Variants in NRXN1 observed in about 807,000 individuals in gnomAD.
NRXN1 encodes the protein neurexin-1.
NRXN1 carries 39 observed loss-of-function variants against 150.9 expected under a neutral mutation model. That is an observed-to-expected ratio of 0.26 (90% confidence interval 0.20 to 0.34). The LOEUF is 0.34. Ranked by LOEUF, NRXN1 falls within the 10% of genes least tolerant of loss-of-function variation. NRXN1 has a pLI of 1.00. For synonymous variants in NRXN1, 924 were observed against 757.0 expected, an observed-to-expected ratio of 1.22 and a Z score of -3.62; for missense variants, 1,815 against 1,949.9, an observed-to-expected ratio of 0.93 and a Z score of 1.30.
At chr2:50,164,273 ACT>A (rs1264419497) in intron 18 of NRXN1, among the ~76,000 whole-genome samples, 3 of 152,080 alleles carry the variant, frequency 2.0e-5, no homozygotes, top group Admixed American at 2.0e-4. Flanking sequence ...CGGCAAAGAC[ACT>A]CTCTGCTCCC....
Position 50,552,930 on chromosome 2 carries a change from T to C in NRXN1, c.1416A>G (p.Lys472=). ...KMKIHGVVAF[K]CENVATLDPI... is the part of the protein sequence containing the mutation. ...GGTCTAAAGTTGCAACATTCTCACA[T>C]TTAAATGCCACCACTCCATGGATCT... Residue 472 remains lysine, a synonymous_variant, in exon 9 of 23, where the codon AAA becomes AAG. Transcript: ENST00000401669. The C allele has an allele frequency of 6.2e-7, 1 of 1,613,926 alleles. No individual in the cohort carries two copies. Among genetic ancestry groups the C allele is most frequent in the South Asian group, 1.1e-5 (1 of 91,086 alleles).
At chr2:50,113,977 G>T (rs1353489060) in intron 18 of NRXN1, among the ~76,000 whole-genome samples, 1 of 152,066 alleles carries the variant, frequency 6.6e-6, no homozygotes, top group Non-Finnish European at 1.5e-5. Context: ...TTCCCTGTTT[G>T]GAAGGTAAGA....
chr2:50,974,784 TA>T (rs1695565909), intron 2 of NRXN1, among the ~76,000 whole-genome samples: 1 of 152,084 alleles, frequency 6.6e-6, no homozygotes, highest in African/African-American at 2.4e-5. Context: ...CTACAGTGCC[TA>T]ATAATTTGCA....
intron 8 of NRXN1, among the ~76,000 whole-genome samples, chr2:50,558,667 A>G (rs1425479181): frequency 1.3e-5 from 2 of 152,212 alleles, no homozygotes; most frequent in African/African-American, 4.8e-5. Flanking sequence ...TATCTTAAAA[A>G]TCTGTGCGGT....
chr2:50,244,480 T>C (rs1041885659), intron 17 of NRXN1, among the ~76,000 whole-genome samples: 21 of 151,928 alleles, frequency 1.4e-4, no homozygotes, highest in Non-Finnish European at 1.5e-5. Flanking sequence ...CTCTTTTTTT[T>C]CTGACATTAT....
At chr2:50,453,240 A>G (rs973281529) in intron 17 of NRXN1, among the ~76,000 whole-genome samples, 1 of 151,562 alleles carries the variant, frequency 6.6e-6, no homozygotes, top group African/African-American at 2.4e-5. Flanking sequence ...CTCCTAAAAC[A>G]TAGATTTCAG....
chr2:50,668,361 G>A (rs1688362192), intron 5 of NRXN1, among the ~76,000 whole-genome samples: 1 of 151,492 alleles, frequency 6.6e-6, no homozygotes, highest in South Asian at 2.1e-4. Context: ...AAAAATTTTT[G>A]TTTGCTTCTT....
In NRXN1 at chr2:50,984,929, T is replaced by C. The variant is rs1440250697; in HGVS notation, c.772+42573A>G. On this transcript the variant is annotated intron_variant, in intron 2 of 22. Coordinates refer to ENST00000401669, the MANE Select transcript of NRXN1 (RefSeq NM_001330078.2). ...TAGATCTAGAACTCTTTTAGTTACA[T>C]AACACTGTCAGTTAAATTTCACCAA... 2.6e-5 allele frequency among the ~76,000 whole-genome samples: 4 copies of C among 152,104 alleles called. No homozygotes were observed. In the East Asian group the frequency reaches 5.8e-4, roughly 22 times the overall value.
intron 18 of NRXN1, among the ~76,000 whole-genome samples, chr2:50,226,657 G>A (rs1281403865): frequency 6.6e-6 from 1 of 151,972 alleles, no homozygotes; most frequent in African/African-American, 2.4e-5. Flanking sequence ...AGCTAAGGAA[G>A]TTGGCCTTTG....
intron 5 of NRXN1, among the ~76,000 whole-genome samples, chr2:50,843,400 A>G (rs1673160819): frequency 6.6e-6 from 1 of 152,238 alleles, no homozygotes; most frequent in African/African-American, 2.4e-5. Context: ...GAAAAAAACA[A>G]CTGGATCAAA....
chr2:50,753,704 G>A (rs1431672504), intron 5 of NRXN1, among the ~76,000 whole-genome samples: 4 of 151,840 alleles, frequency 2.6e-5, no homozygotes, highest in African/African-American at 9.7e-5. Flanking sequence ...GGTTTAAGTA[G>A]GAAAAACTGC....
chr2:50,335,658 T>G (rs569349802), intron 17 of NRXN1, among the ~76,000 whole-genome samples: 2 of 152,280 alleles, frequency 1.3e-5, no homozygotes, highest in East Asian at 3.9e-4. Flanking sequence ...GGTGTCCTGG[T>G]TTAACTCCCA....
chr2:50,254,276 T>C (rs1184348455), intron 17 of NRXN1, among the ~76,000 whole-genome samples: 2 of 150,188 alleles, frequency 1.3e-5, no homozygotes, highest in East Asian at 3.9e-4. Flanking sequence ...TTTATCATTT[T>C]TTATTGTGTC....
intron 21 of NRXN1, among the ~76,000 whole-genome samples, chr2:50,042,344 G>C (rs1048629792): frequency 5.9e-5 from 9 of 152,132 alleles, no homozygotes; most frequent in Non-Finnish European, 1.0e-4. Flanking sequence ...CTATTCTCAT[G>C]ATGGTAAGTT....
At chr2:50,055,607 T>C (rs1558781465) in intron 19 of NRXN1, among the ~76,000 whole-genome samples, 1 of 152,170 alleles carries the variant, frequency 6.6e-6, no homozygotes, top group African/African-American at 2.4e-5. Flanking sequence ...ATAGTTCTTG[T>C]GTATTTCACA....
chr2:50,056,383 C>T (rs1264033153), intron 19 of NRXN1, among the ~76,000 whole-genome samples: 6 of 152,048 alleles, frequency 3.9e-5, no homozygotes, highest in Admixed American at 3.9e-4. Flanking sequence ...ATCAATTTGT[C>T]ATCTGAATGT....
chr2:50,362,446 A>G (rs772508890), intron 17 of NRXN1, among the ~76,000 whole-genome samples: 38 of 151,600 alleles, frequency 2.5e-4, no homozygotes, highest in Non-Finnish European at 4.1e-4. Flanking sequence ...TTTCCTATAT[A>G]CCAGTAATAG....
Position 50,346,554 on chromosome 2 carries a change from C to G in NRXN1, c.3365-109584G>C, listed in dbSNP as rs922093859. 1.1e-5 allele frequency: 10 copies of G among 902,520 alleles called. No homozygotes were observed. The African/African-American group carries it at 1.3e-4, about 12-fold the overall frequency. The allele number at this position is 902,520 out of a possible 1,614,324, so 55.9% of individuals were successfully genotyped here. A position where few individuals can be genotyped will look rare whatever the true frequency, so the allele number is the denominator to read the frequency against. On this transcript the variant is annotated intron_variant, in intron 17 of 22. Coordinates refer to ENST00000401669, the MANE Select transcript of NRXN1 (RefSeq NM_001330078.2). The surrounding 1 kb of genome is among the most constrained non-coding windows in gnomAD (Gnocchi z 5.0). ...ATTGTCTTCAAAGAGATAAGTGGCTCGCACCAAGCACACCCAAATGCACCT... is the reference window on the plus strand; with the variant it reads ...ATTGTCTTCAAAGAGATAAGTGGCTGGCACCAAGCACACCCAAATGCACCT...
At chr2:50,096,617 G>T (rs1700259367) in intron 18 of NRXN1, among the ~76,000 whole-genome samples, 1 of 152,000 alleles carries the variant, frequency 6.6e-6, no homozygotes, top group Non-Finnish European at 1.5e-5. Flanking sequence ...TAGATAACTG[G>T]CTCAAATCAT....
Sources: allele counts gnomAD v4.1 joint callset (sites outside exome capture counted in the v4.1 genomes callset), GRCh38; gene constraint gnomAD v4.1.1; non-coding constraint Gnocchi (gnomAD v3.1); transcripts MANE v1.5; gene names NCBI Gene and HGNC (gene_info 2026-07-23, HGNC 2026-07-21).